The following ZNF343 variants were observed in gnomAD, a reference collection of about 807,000 sequenced individuals.
ZNF343 encodes zinc finger protein 343.
In ZNF343, 11 loss-of-function variants were observed where a neutral mutation model predicts 13.8. The ratio of observed to expected loss-of-function variants is 0.80; its 90% CI spans 0.50 to 1.32. The LOEUF (loss-of-function observed/expected upper bound fraction) is 1.32. ZNF343 is among the 40% of genes most tolerant of loss of function. The pLI, the probability that ZNF343 is intolerant of heterozygous loss-of-function variation, is 0.00. For synonymous variants in ZNF343, 248 were observed against 260.0 expected, an observed-to-expected ratio of 0.95 and a Z score of 0.44; for missense variants, 658 against 714.2, an observed-to-expected ratio of 0.92 and a Z score of 0.90.
At chr20:2,507,133 G>A (rs2085672863) in intron 1 of ZNF343, among the ~76,000 whole-genome samples, 1 of 151,610 alleles carries the variant, frequency 6.6e-6, no homozygotes. Context: ...GCATGGTGGC[G>A]CACACCTGTA....
intron 1 of ZNF343, among the ~76,000 whole-genome samples, chr20:2,523,061 G>A (rs2085789002): frequency 6.6e-6 from 1 of 152,222 alleles, no homozygotes; most frequent in African/African-American, 2.4e-5. Context: ...AAAACAGGAT[G>A]TGGTAAAGAA....
intron 1 of ZNF343, among the ~76,000 whole-genome samples, chr20:2,517,000 C>G (rs543199900): frequency 6.6e-6 from 1 of 152,224 alleles, no homozygotes; most frequent in East Asian, 1.9e-4. Flanking sequence ...CAATTTAAGT[C>G]AGAATCATAC....
chr20:2,485,326 C>T (rs1008910745), intron 5 of ZNF343, among the ~76,000 whole-genome samples: 5 of 152,150 alleles, frequency 3.3e-5, no homozygotes, highest in Admixed American at 6.5e-5. Flanking sequence ...TTTCATAAAT[C>T]AGTAAAAAGA....
intron 1 of ZNF343, among the ~76,000 whole-genome samples, chr20:2,506,294 A>G (rs1036232767): frequency 2.0e-5 from 3 of 152,174 alleles, no homozygotes; most frequent in Non-Finnish European, 4.4e-5. Flanking sequence ...GTCAGGAAAC[A>G]ACAGGTGCTG....
rs547139450 is a variant in ZNF343, at chr20:2,483,542, G to C, written c.1419C>G (p.Gly473=). 74 of 1,612,858 alleles carry C rather than the reference G, an allele frequency of 4.6e-5. 2 individuals carry two copies. The South Asian group carries it at 7.9e-4, about 17-fold the overall frequency. ...CAAGGAGGAGTGATTTCCGACTAAA[G>C]CCTCGGCCACACTCACCACACACAT... ...KPYVCGECGR[G]FSRKSLLLVH... The change falls in exon 6 of 6, where the codon GGC becomes GGG. Residue 473 remains glycine, a synonymous_variant. Coordinates refer to ENST00000278772, the MANE Select transcript of ZNF343 (RefSeq NM_024325.6).
In ZNF343 at chr20:2,518,484, A is replaced by C. The variant is rs780268773; in HGVS notation, c.-347+5971T>G. Among the ~76,000 whole-genome samples, 11 of 152,226 alleles carry C rather than the reference A, an allele frequency of 7.2e-5. No individual in the cohort carries two copies. Among genetic ancestry groups the C allele is most frequent in the Non-Finnish European group, 1.5e-4 (10 of 68,038 alleles). On this transcript the variant is annotated intron_variant, in intron 1 of 6. Transcript: ENST00000358413. This position sits in a 1 kb window ranked among gnomAD's most constrained non-coding sequence, Gnocchi z 4.6. Reference sequence around the variant, plus strand: ...AACATAGAATCACTAACTGTTGTCAAATAATCTTTTGTACTCCAAAGTACT... The same window carrying C: ...AACATAGAATCACTAACTGTTGTCACATAATCTTTTGTACTCCAAAGTACT...
At chr20:2,488,745 TATAAAA>T (rs2085320421) in intron 5 of ZNF343, among the ~76,000 whole-genome samples, 1 of 152,190 alleles carries the variant, frequency 6.6e-6, no homozygotes, top group African/African-American at 2.4e-5. Flanking sequence ...GATTTTAATC[TATAAAA>T]ATATTTTTTG....
intron 1 of ZNF343, among the ~76,000 whole-genome samples, chr20:2,502,615 C>T (rs1450728813): frequency 3.3e-5 from 5 of 152,128 alleles, no homozygotes; most frequent in East Asian, 1.9e-4. Flanking sequence ...GCTGATCTCT[C>T]GGCAGAAACT....
At chr20:2,502,117 A>G (rs1306716157) in intron 1 of ZNF343, among the ~76,000 whole-genome samples, 1 of 152,246 alleles carries the variant, frequency 6.6e-6, no homozygotes, top group Non-Finnish European at 1.5e-5. Flanking sequence ...GAAGTCCTTA[A>G]AAGACCTGAT....
At chr20:2,509,784 C>T (rs986461945), upstream of ZNF343, among the ~76,000 whole-genome samples, 1 of 152,184 alleles carries the variant, frequency 6.6e-6, no homozygotes, top group Non-Finnish European at 1.5e-5. Flanking sequence ...ATAGGAGGCG[C>T]GTTTAAATCT....
intron 1 of ZNF343, among the ~76,000 whole-genome samples, chr20:2,521,838 C>G (rs193209686): frequency 6.6e-6 from 1 of 152,110 alleles, no homozygotes; most frequent in Non-Finnish European, 1.5e-5. Context: ...CGTGGGTGGT[C>G]GCGGTCAAAA....
intron 1 of ZNF343, among the ~76,000 whole-genome samples, chr20:2,507,274 A>G (rs544166498): frequency 6.6e-6 from 1 of 151,852 alleles, no homozygotes; most frequent in East Asian, 1.9e-4. Context: ...CAAAAAAAAA[A>G]AAAAAAAAAA....
In ZNF343 at chr20:2,483,637, A is replaced by G. The variant is rs1568470880; in HGVS notation, c.1324T>C (p.Cys442Arg). ...LDEKPYVCRE[C>R]GRGFCDKSTL... ...GACTTGTCACAAAAGCCTCGCCCAC[A>G]CTCCCTGCAAACATAAGGCTTCTCA... The change falls in exon 6 of 6, where the codon TGT (cysteine) becomes CGT (arginine). Residue 442 changes from cysteine to arginine, a missense_variant. Coordinates refer to ENST00000278772, the MANE Select transcript of ZNF343 (RefSeq NM_024325.6). The G allele has an allele frequency of 1.9e-6, 3 of 1,612,200 alleles. No individual in the cohort carries two copies. Among genetic ancestry groups the G allele is most frequent in the Admixed American group, 3.3e-5 (2 of 59,802 alleles).
chr20:2,504,533 A>C (rs1031534266), intron 1 of ZNF343, among the ~76,000 whole-genome samples: 1 of 152,244 alleles, frequency 6.6e-6, no homozygotes, highest in African/African-American at 2.4e-5. Context: ...CCTGATGAAC[A>C]TCGATGCAAA....
rs570771254 is a variant in ZNF343 at position 2,484,449 on chromosome 20, T to C, written c.512A>G (p.Gln171Arg). 4.3e-6 allele frequency: 7 copies of C among 1,614,236 alleles called. No individual in the cohort carries two copies. In the Admixed American group the frequency reaches 1.2e-4, roughly 27 times the overall value. The change falls in exon 6 of 6, where the codon CAG (glutamine) becomes CGG (arginine). Residue 171 changes from glutamine to arginine, a missense_variant. Physicochemically the swap from Gln to Arg is conservative, Grantham distance 43. Coordinates refer to ENST00000278772, the MANE Select transcript of ZNF343 (RefSeq NM_024325.6). ...GGGTTTGGAGCCACCTCCTCTCTCC[T>C]GACCTTCTGCATTTTCAAACCAACA... ...VSCWFENAEG[Q>R]ERGGGSKPWS... is the part of the protein sequence containing the mutation.
intron 5 of ZNF343, chr20:2,491,770 C>T (rs2085368700): frequency 6.6e-6 from 1 of 151,920 alleles, no homozygotes; most frequent in Non-Finnish European, 1.5e-5. Flanking sequence ...ATTGTTTGGC[C>T]CTTTACAGAA....
rs1180361062 is a variant in ZNF343 at position 2,519,907 on chromosome 20, C to CA, written c.-347+4547dup. On this transcript the variant is annotated intron_variant, in intron 1 of 6. Coordinates refer to the ZNF343 transcript ENST00000358413. ...GTTCATCCTAATTTGTTGTAAGTCA[C>CA]AAAAAAATAAGGAAATTTAGAGAAC... Among the ~76,000 whole-genome samples the CA allele has an allele frequency of 3.9e-5, 6 of 151,962 alleles. No individual in the cohort carries two copies. The East Asian group carries it at 9.6e-4, about 24-fold the overall frequency.
rs1255968797 is a variant in ZNF343, at chr20:2,482,332, CAGACAACG to C, written c.*821_*828del. 6.6e-6 allele frequency: 1 copy of C among 152,236 alleles called. No individual in the cohort carries two copies. The highest frequency in any genetic ancestry group is 1.5e-5 in the Non-Finnish European group (1 of 68,110). The allele number at this position is 152,236 out of a possible 1,614,324, so 9.4% of individuals were successfully genotyped here. On this transcript the variant is annotated 3_prime_UTR_variant, in exon 6 of 6. Coordinates refer to ENST00000278772, the MANE Select transcript of ZNF343 (RefSeq NM_024325.6). ...CATGTCTTAGAATCAATTATCTGGA[CAGACAACG>C]AGACAGAAAATTGAGGATTCACTGG...
intron 2 of ZNF343, among the ~76,000 whole-genome samples, chr20:2,498,552 A>G (rs1547063): frequency 0.39 from 59,533 of 152,068 alleles, 12,176 homozygotes; most frequent in Non-Finnish European, 0.46. Flanking sequence ...GCACTACAAC[A>G]AAGGGAGTAA....
Sources: gnomAD v4.1 joint callset for allele counts (sites outside exome capture counted in the v4.1 genomes callset) on GRCh38, gnomAD v4.1.1 for gene constraint, Gnocchi (gnomAD v3.1) non-coding constraint, MANE v1.5 for transcripts, NCBI Gene and HGNC (gene_info 2026-07-23, HGNC 2026-07-21) for gene names.